Variants in AFMID observed in about 807,000 individuals in gnomAD.
The protein encoded by AFMID is arylformamidase.
Under a neutral mutation model 47.5 loss-of-function variants are expected in AFMID, and 39 were observed. The observed-to-expected ratio is 0.82, with a 90% CI of 0.64 to 1.07. AFMID has a LOEUF of 1.07. Ranked by LOEUF, AFMID falls within the 50% of genes least tolerant of loss-of-function variation. The pLI is 0.00. For synonymous variants in AFMID, 130 were observed against 153.2 expected, an observed-to-expected ratio of 0.85 and a Z score of 1.12; for missense variants, 375 against 387.5, an observed-to-expected ratio of 0.97 and a Z score of 0.27.
At chr17:78,204,023 C>CAAAAA (rs11308034) in intron 4 of AFMID, 1 of 93,506 alleles carries the variant, frequency 1.1e-5, no homozygotes, top group Non-Finnish European at 2.1e-5. Flanking sequence ...GACTCTGTCT[C>CAAAAA]AAAAAAAAAA....
At chr17:78,193,138 G>A (rs974323331) in intron 2 of AFMID, among the ~76,000 whole-genome samples, 5 of 151,936 alleles carry the variant, frequency 3.3e-5, no homozygotes, top group Non-Finnish European at 5.9e-5. Flanking sequence ...TTGGGAGGCC[G>A]AGGCGGGCGG....
At chr17:78,190,805 C>T (rs72898285) in intron 1 of AFMID, 165 bp from the exon 2 acceptor site, 127,532 of 584,540 alleles carry the variant, frequency 0.22, 15,553 homozygotes, top group Non-Finnish European at 0.26. Context: ...GCACAGCGGT[C>T]GCTGGTATAC....
chr17:78,205,668 G>A lies in AFMID; in HGVS notation c.710G>A (p.Cys237Tyr). Residue 237 changes from cysteine (C) to tyrosine (Y), a missense_variant, in exon 9 of 11, where the codon TGC (cysteine) becomes TAC (tyrosine). Cys to Tyr is a radical substitution (Grantham distance 194). Transcript: ENST00000409257. ...VAQAQPVDPTCRVLVVVGQFD... is the reference protein window; with the variant it reads ...VAQAQPVDPTYRVLVVVGQFD... ...CAGGCACAGCCGGTGGACCCCACCT[G>A]CCGTGTGCTGGTGGTCGTGGGCCAG... The A allele has an allele frequency of 6.2e-7, 1 of 1,613,582 alleles. No homozygotes were observed. Among genetic ancestry groups the A allele is most frequent in the South Asian group, 1.1e-5 (1 of 91,080 alleles).
In AFMID at chr17:78,201,308, G is replaced by A. The variant is rs186915663; in HGVS notation, c.155-1191G>A. On this transcript the variant is annotated intron_variant, in intron 2 of 10. Transcript: ENST00000409257. ...GACTCCGTCGCAAAAAAAAAAAAAC[G>A]ATGAATGCTAGGATAAAAAATAAAG... 2.2e-3 allele frequency among the ~76,000 whole-genome samples: 320 copies of A among 145,584 alleles called. 1 individual carries two copies. Among genetic ancestry groups the A allele is most frequent in the African/African-American group, 7.8e-3 (310 of 39,822 alleles).
At chr17:78,196,247 C>G (rs144829638) in intron 2 of AFMID, among the ~76,000 whole-genome samples, 2 of 152,272 alleles carry the variant, frequency 1.3e-5, no homozygotes, top group African/African-American at 4.8e-5. Flanking sequence ...CGCCTATAAT[C>G]TCAGCTACTT....
intron 2 of AFMID, among the ~76,000 whole-genome samples, chr17:78,191,532 A>G (rs902915568): frequency 4.6e-5 from 7 of 152,062 alleles, no homozygotes; most frequent in African/African-American, 1.7e-4. Flanking sequence ...AAAAAATACA[A>G]AAATTAGCTG....
In AFMID at chr17:78,202,564, G is replaced by C; in HGVS notation, c.220G>C (p.Glu74Gln). The C allele has an allele frequency of 6.2e-7, 1 of 1,614,112 alleles. No individual in the cohort carries two copies. The highest frequency in any genetic ancestry group is 8.5e-7 in the Non-Finnish European group (1 of 1,180,014). ...TGTCCCCTATGGAGACGGCGAAGGG[G>C]AGAAAGTGGACATTTACTTCCCCGA... The part of the protein sequence containing the change: ...LHVPYGDGEG[E>Q]KVDIYFPDES... Residue 74 changes from glutamate (E) to glutamine (Q), a missense_variant, in exon 3 of 11, where the codon GAG becomes CAG. Physicochemically the swap from Glu to Gln is conservative, Grantham distance 29. Coordinates refer to ENST00000409257, the MANE Select transcript of AFMID (RefSeq NM_001010982.5).
intron 2 of AFMID, among the ~76,000 whole-genome samples, chr17:78,194,851 C>T (rs1285883364): frequency 6.6e-6 from 1 of 152,076 alleles, no homozygotes; most frequent in Non-Finnish European, 1.5e-5. Flanking sequence ...TGTGCCACCA[C>T]GCCTGGCTGA....
intron 10 of AFMID, among the ~76,000 whole-genome samples, chr17:78,206,520 C>A (rs80019890): frequency 1.3e-5 from 2 of 151,892 alleles, no homozygotes; most frequent in East Asian, 3.9e-4. Context: ...GGTTATCCTG[C>A]CCCAGCCTCT....
At chr17:78,196,777 A>G (rs777996694) in intron 2 of AFMID, among the ~76,000 whole-genome samples, 1 of 152,218 alleles carries the variant, frequency 6.6e-6, no homozygotes, top group Non-Finnish European at 1.5e-5. Flanking sequence ...CCATTTCCAC[A>G]TAGCCTGAGT....
intron 2 of AFMID, chr17:78,197,647 T>C: frequency 5.9e-6 from 1 of 169,650 alleles, no homozygotes; most frequent in Non-Finnish European, 1.3e-5. Flanking sequence ...CAGCTCACGC[T>C]TGTGGCTGTA....
At chr17:78,196,264 C>T (rs2076111063) in intron 2 of AFMID, among the ~76,000 whole-genome samples, 3 of 152,046 alleles carry the variant, frequency 2.0e-5, no homozygotes, top group Admixed American at 2.0e-4. Flanking sequence ...ACTTGAGAGG[C>T]CAAGGCAAGA....
chr17:78,201,307 C>T (rs1245153101), intron 2 of AFMID, among the ~76,000 whole-genome samples: 3 of 140,096 alleles, frequency 2.1e-5, no homozygotes, highest in Non-Finnish European at 4.6e-5. Context: ...AAAAAAAAAA[C>T]GATGAATGCT....
chr17:78,193,057 A>G (rs1258801833), intron 2 of AFMID, among the ~76,000 whole-genome samples: 1 of 152,080 alleles, frequency 6.6e-6, no homozygotes, highest in African/African-American at 2.4e-5. Flanking sequence ...CGATAAATAC[A>G]TGAGTGTGGT....
Position 78,205,629 on chromosome 17 carries a change from AGCTGAAGGTG to A in AFMID, c.674_683del (p.Leu225ProfsTer59). ...GAGGACGCTCAGAGGAATAGCCCCC[AGCTGAAGGTG>A]GCCCAGGCACAGCCGGTGGACCCCA... On this transcript the variant is annotated frameshift_variant, in exon 9 of 11. Coordinates refer to ENST00000409257, the MANE Select transcript of AFMID (RefSeq NM_001010982.5). LOFTEE classifies it high-confidence loss of function. The A allele has an allele frequency of 6.2e-7, 1 of 1,613,730 alleles. No individual in the cohort carries two copies. Among genetic ancestry groups the A allele is most frequent in the East Asian group, 2.2e-5 (1 of 44,848 alleles).
chr17:78,189,739 G>A (rs2075909787), intron 1 of AFMID, among the ~76,000 whole-genome samples: 1 of 151,204 alleles, frequency 6.6e-6, no homozygotes, highest in Non-Finnish European at 1.5e-5. Context: ...AGACTGGTCT[G>A]GAACTCCTGG....
intron 2 of AFMID, among the ~76,000 whole-genome samples, chr17:78,195,724 A>G (rs1246454685): frequency 7.0e-6 from 1 of 143,246 alleles, no homozygotes. Flanking sequence ...CTGGTCTGGA[A>G]CTCCCGACCT....
At chr17:78,195,674 G>A (rs1168152025) in intron 2 of AFMID, among the ~76,000 whole-genome samples, 2 of 150,182 alleles carry the variant, frequency 1.3e-5, no homozygotes, top group African/African-American at 4.9e-5. Context: ...AGCTAATTTT[G>A]TATTTTTAGT....
chr17:78,196,987 C>T (rs2076131312), intron 2 of AFMID: 2 of 670,462 alleles, frequency 3.0e-6, no homozygotes, highest in Admixed American at 2.6e-5. Context: ...GGCAATTTCT[C>T]TTTCCCGAGG....
Sources: allele counts gnomAD v4.1 joint callset (sites outside exome capture counted in the v4.1 genomes callset), GRCh38; gene constraint gnomAD v4.1.1; transcripts MANE v1.5; gene names NCBI Gene and HGNC (gene_info 2026-07-23, HGNC 2026-07-21).